Variants in RAD51B observed in about 807,000 individuals in gnomAD.
RAD51B encodes the protein RAD51 paralog B.
A neutral mutation model predicts 42.2 loss-of-function variants in RAD51B; 38 were observed. The ratio of observed to expected loss-of-function variants is 0.90; its 90% CI spans 0.70 to 1.18. RAD51B has a LOEUF of 1.18. RAD51B is among the 50% of genes most tolerant of loss of function. RAD51B has a pLI of 0.00. For synonymous variants in RAD51B, 154 were observed against 145.2 expected (o/e 1.06, Z -0.43); for missense variants, 373 against 400.7 (o/e 0.93, Z 0.59).
chr14:68,540,227 G>A (rs575741643), intron 10 of RAD51B: 21 of 980,504 alleles, frequency 2.1e-5, no homozygotes, highest in Middle Eastern at 5.0e-4. Flanking sequence ...TGATCTGCTC[G>A]AGGCAAACAT....
intron 7 of RAD51B, among the ~76,000 whole-genome samples, chr14:68,087,600 A>T (rs549174643): frequency 3.3e-5 from 5 of 151,714 alleles, no homozygotes; most frequent in African/African-American, 1.2e-4. Context: ...CAGAAAAAAA[A>T]TCTGGCTCCA....
At chr14:67,835,948 A>G (rs2041228096) in intron 4 of RAD51B, among the ~76,000 whole-genome samples, 1 of 152,208 alleles carries the variant, frequency 6.6e-6, no homozygotes, top group Non-Finnish European at 1.5e-5. Context: ...AGGAAGGACA[A>G]TTTGAAATTT....
At chr14:68,087,978 A>T (rs1368252013) in intron 7 of RAD51B, among the ~76,000 whole-genome samples, 1 of 127,906 alleles carries the variant, frequency 7.8e-6, no homozygotes, top group Non-Finnish European at 1.6e-5. Context: ...TATTATATAT[A>T]ATTATATAAT....
At chr14:68,270,340 T>C (rs1212667064) in intron 7 of RAD51B, among the ~76,000 whole-genome samples, 14 of 152,222 alleles carry the variant, frequency 9.2e-5, no homozygotes. Flanking sequence ...TTTTTCCTTA[T>C]TAGAGAGTCT....
chr14:68,160,905 A>T lies in RAD51B; in HGVS notation c.757-130979A>T, dbSNP rs76283638. On this transcript the variant is annotated intron_variant, in intron 7 of 10. Transcript: ENST00000471583. ...TGGTAACATTGCATGGTAATTACAT[A>T]GTCATTTTTGGCTCCATGAATTGAA... Among the ~76,000 whole-genome samples, 968 of 152,332 alleles carry T rather than the reference A, an allele frequency of 6.4e-3. 11 individuals are homozygous for T. The highest frequency in any genetic ancestry group is 0.022 in the African/African-American group (921 of 41,570).
chr14:68,477,675 A>G lies in RAD51B; in HGVS notation c.*11A>G, dbSNP rs775955303. The G allele has an allele frequency of 6.2e-7, 1 of 1,605,736 alleles. No homozygotes were observed. The highest frequency in any genetic ancestry group is 2.2e-5 in the East Asian group (1 of 44,658). ...CAAGAGAAGCCATAGGGATACTGTGACCTTTGTCTAGAGTTGATGGGGGTG... is the reference window on the plus strand; with the variant it reads ...CAAGAGAAGCCATAGGGATACTGTGGCCTTTGTCTAGAGTTGATGGGGGTG... On this transcript the variant is annotated 3_prime_UTR_variant, in exon 11 of 11. Transcript: ENST00000471583.
chr14:68,098,690 C>T (rs964905793), intron 7 of RAD51B, among the ~76,000 whole-genome samples: 1 of 152,176 alleles, frequency 6.6e-6, no homozygotes. Flanking sequence ...CACCAGGTCC[C>T]TCCCACAACA....
chr14:68,378,846 C>G (rs2139978634), intron 8 of RAD51B, among the ~76,000 whole-genome samples: 1 of 152,102 alleles, frequency 6.6e-6, no homozygotes, highest in African/African-American at 2.4e-5. Flanking sequence ...GCAGAATGCT[C>G]TCATATACAT....
At chr14:68,002,143 A>G (rs1193095891) in intron 7 of RAD51B, among the ~76,000 whole-genome samples, 1 of 152,158 alleles carries the variant, frequency 6.6e-6, no homozygotes, top group African/African-American at 2.4e-5. Context: ...CAATGGCTGA[A>G]CTAATTTACA....
chr14:67,995,205 G>C (rs1052909995), intron 7 of RAD51B, among the ~76,000 whole-genome samples: 3 of 151,992 alleles, frequency 2.0e-5, no homozygotes, highest in Admixed American at 2.0e-4. Flanking sequence ...GGCCAACATG[G>C]TGAAGCCCCA....
At chr14:68,338,887 C>A in intron 8 of RAD51B, 1 of 642,038 alleles carries the variant, frequency 1.6e-6, no homozygotes, top group Non-Finnish European at 2.9e-6. Context: ...TTAGCCAAAG[C>A]TCCTTTGTCT....
chr14:68,175,251 C>A (rs1434009424), intron 7 of RAD51B, among the ~76,000 whole-genome samples: 1 of 152,064 alleles, frequency 6.6e-6, no homozygotes, highest in African/African-American at 2.4e-5. Context: ...CATTTACTGG[C>A]CTTAAAGAAA....
chr14:68,159,673 TAGTTTTTCATACTC>T lies in RAD51B; in HGVS notation c.757-132203_757-132190del, dbSNP rs201054422. On this transcript the variant is annotated intron_variant, in intron 7 of 10. Coordinates refer to ENST00000471583, the MANE Select transcript of RAD51B (RefSeq NM_133510.4). ...GCTTGGACCCTGAACACAGACATTT[TAGTTTTTCATACTC>T]AGTTTTTACATTCTATTTCCAATGC... Among the ~76,000 whole-genome samples, 460 of 152,264 alleles carry T rather than the reference TAGTTTTTCATACTC, an allele frequency of 3.0e-3. 6 individuals are homozygous for T. The East Asian group carries it at 0.055, about 18-fold the overall frequency.
At chr14:68,655,854 A>G (rs1892805740) in intron 11 of RAD51B, among the ~76,000 whole-genome samples, 1 of 152,176 alleles carries the variant, frequency 6.6e-6, no homozygotes, top group South Asian at 2.1e-4. Context: ...GTGGCTGGCT[A>G]AGGAGGAAAT....
intron 7 of RAD51B, among the ~76,000 whole-genome samples, chr14:68,252,813 AC>A (rs1303300331): frequency 6.6e-6 from 1 of 151,852 alleles, no homozygotes; most frequent in African/African-American, 2.4e-5. Context: ...AGGTGTGGTG[AC>A]TCACTCCTGT....
intron 5 of RAD51B, among the ~76,000 whole-genome samples, chr14:67,871,316 C>CGG (rs2042523424): frequency 1.3e-5 from 2 of 150,900 alleles, no homozygotes; most frequent in African/African-American, 4.9e-5. Flanking sequence ...CACCTCTATG[C>CGG]AAATAAACTA....
At chr14:68,033,865 T>TCTGAA in intron 7 of RAD51B, among the ~76,000 whole-genome samples, 1 of 152,328 alleles carries the variant, frequency 6.6e-6, no homozygotes, top group East Asian at 1.9e-4. Context: ...AACTGTCAGT[T>TCTGAA]AAGATGCATT....
At chr14:68,257,528 A>G (rs1211339165) in intron 7 of RAD51B, among the ~76,000 whole-genome samples, 3 of 152,170 alleles carry the variant, frequency 2.0e-5, no homozygotes, top group Non-Finnish European at 2.9e-5. Flanking sequence ...ATTTAAAATT[A>G]AATGATTTTG....
chr14:68,430,513 G>A (rs2084974546), intron 9 of RAD51B, among the ~76,000 whole-genome samples: 1 of 152,100 alleles, frequency 6.6e-6, no homozygotes, highest in South Asian at 2.1e-4. Flanking sequence ...TGAAGCAATT[G>A]TGAATGGGAA....
Sources: allele counts gnomAD v4.1 joint callset (sites outside exome capture counted in the v4.1 genomes callset), GRCh38; gene constraint gnomAD v4.1.1; transcripts MANE v1.5; gene names NCBI Gene and HGNC (gene_info 2026-07-23, HGNC 2026-07-21).